Variants in LINGO2 observed in about 807,000 individuals in gnomAD.
LINGO2 encodes leucine rich repeat and Ig domain containing 2.
LINGO2 carries 14 observed loss-of-function variants against 30.6 expected under a neutral mutation model. The ratio of observed to expected loss-of-function variants is 0.46; its 90% CI spans 0.30 to 0.72. The LOEUF (loss-of-function observed/expected upper bound fraction) is 0.72. Ranked by LOEUF, LINGO2 falls within the 30% of genes least tolerant of loss-of-function variation. The probability of loss-of-function intolerance (pLI) is 0.07; values close to 1 mark genes in which losing one functional copy is unlikely to be tolerated. For synonymous variants in LINGO2, 317 were observed against 288.5 expected, an observed-to-expected ratio of 1.10 and a Z score of -1.00; for missense variants, 729 against 751.7, an observed-to-expected ratio of 0.97 and a Z score of 0.35.
At chr9:28,246,543 T>C (rs976993669) in intron 4 of LINGO2, among the ~76,000 whole-genome samples, 3 of 152,162 alleles carry the variant, frequency 2.0e-5, no homozygotes, top group African/African-American at 7.2e-5. Flanking sequence ...GAAAACTGGC[T>C]AGCCGTATGC....
intron 2 of LINGO2, among the ~76,000 whole-genome samples, chr9:28,392,228 C>T (rs1821869162): frequency 6.6e-6 from 1 of 152,068 alleles, no homozygotes; most frequent in Admixed American, 6.6e-5. Context: ...AAATAAACAC[C>T]TTGACTATTG....
At chr9:29,101,361 G>A in the LINGO2 span, among the ~76,000 whole-genome samples, 1 of 152,180 alleles carries the variant, frequency 6.6e-6, no homozygotes, top group Non-Finnish European at 1.5e-5. Flanking sequence ...TCTATGGAAA[G>A]AGATTCATAA....
chr9:28,149,718 T>A (rs4878745), intron 4 of LINGO2, among the ~76,000 whole-genome samples: 2 of 148,636 alleles, frequency 1.3e-5, no homozygotes, highest in Non-Finnish European at 3.0e-5. Flanking sequence ...TGCCCTGTCT[T>A]GGAAGTGAGG....
intron 1 of LINGO2, among the ~76,000 whole-genome samples, chr9:28,520,851 T>C (rs1477089115): frequency 1.3e-5 from 2 of 152,204 alleles, no homozygotes; most frequent in Admixed American, 1.3e-4. Context: ...CTCCTTTACA[T>C]ATGCCTTAGA....
At chr9:28,455,864 G>A (rs1824825402) in intron 2 of LINGO2, among the ~76,000 whole-genome samples, 1 of 152,012 alleles carries the variant, frequency 6.6e-6, no homozygotes, top group Non-Finnish European at 1.5e-5. Flanking sequence ...CCTACACCAT[G>A]GCATTTTTCT....
At chr9:28,461,260 C>A (rs1825069031) in intron 2 of LINGO2, among the ~76,000 whole-genome samples, 1 of 152,150 alleles carries the variant, frequency 6.6e-6, no homozygotes, top group South Asian at 2.1e-4. Context: ...TAAGACAATT[C>A]TTGATCTGCC....
chr9:29,082,809 G>A, the LINGO2 span, among the ~76,000 whole-genome samples: 13 of 152,180 alleles, frequency 8.5e-5, no homozygotes, highest in Admixed American at 1.3e-4. Flanking sequence ...AGACGTTTAT[G>A]CAGCCAACAG....
At chr9:28,550,280 A>G (rs1822205341) in intron 1 of LINGO2, among the ~76,000 whole-genome samples, 1 of 151,788 alleles carries the variant, frequency 6.6e-6, no homozygotes, top group African/African-American at 2.4e-5. Context: ...TTTATGTGCT[A>G]TGTTGCTTAA....
At chr9:28,387,116 C>T (rs1821613429) in intron 2 of LINGO2, among the ~76,000 whole-genome samples, 1 of 152,028 alleles carries the variant, frequency 6.6e-6, no homozygotes, top group South Asian at 2.1e-4. Context: ...AATCAGCACT[C>T]TGTAAAAATG....
the LINGO2 span, among the ~76,000 whole-genome samples, chr9:28,838,374 A>G: frequency 6.6e-6 from 1 of 152,324 alleles, no homozygotes; most frequent in South Asian, 2.1e-4. Context: ...GGTAATCATT[A>G]GTATTATTTT....
At chr9:29,192,028 G>A in the LINGO2 span, among the ~76,000 whole-genome samples, 1 of 151,970 alleles carries the variant, frequency 6.6e-6, no homozygotes, top group Non-Finnish European at 1.5e-5. Context: ...GGTTTGTTAT[G>A]TAGGGGATTA....
chr9:28,043,413 G>T (rs80262295), intron 4 of LINGO2, among the ~76,000 whole-genome samples: 1 of 152,162 alleles, frequency 6.6e-6, no homozygotes, highest in South Asian at 2.1e-4. Flanking sequence ...CATCTGACAA[G>T]TGTAGTATGT....
chr9:29,151,848 AAAAC>A, the LINGO2 span, among the ~76,000 whole-genome samples: 4 of 152,192 alleles, frequency 2.6e-5, no homozygotes, highest in African/African-American at 4.8e-5. Context: ...ATTGAGGCAG[AAAAC>A]AAACAAATAA....
intron 4 of LINGO2, among the ~76,000 whole-genome samples, chr9:28,236,740 G>A (rs573816996): frequency 6.6e-6 from 1 of 152,250 alleles, no homozygotes; most frequent in Admixed American, 6.5e-5. Flanking sequence ...GCCGGGAAGG[G>A]TAGTAGGGGG....
intron 5 of LINGO2, among the ~76,000 whole-genome samples, chr9:27,998,168 T>C (rs371028207): frequency 7.9e-5 from 12 of 152,036 alleles, no homozygotes; most frequent in African/African-American, 2.9e-4. Context: ...TATGTCTACA[T>C]TGACCAACAG....
intron 1 of LINGO2, among the ~76,000 whole-genome samples, chr9:28,570,828 T>C (rs2135591763): frequency 6.6e-6 from 1 of 152,146 alleles, no homozygotes; most frequent in East Asian, 1.9e-4. Context: ...TCTATTGTGC[T>C]ATTTCTCAGA....
chr9:28,873,172 C>G, the LINGO2 span, among the ~76,000 whole-genome samples: 2 of 151,876 alleles, frequency 1.3e-5, no homozygotes, highest in East Asian at 3.9e-4. Flanking sequence ...AGTTCAAAAT[C>G]AGCCTGGCCA....
the LINGO2 span, among the ~76,000 whole-genome samples, chr9:28,725,783 A>G: frequency 6.7e-6 from 1 of 148,648 alleles, no homozygotes; most frequent in Admixed American, 7.0e-5. Flanking sequence ...ATTAAAATAA[A>G]GGAAACTTAA....
At chr9:28,031,850 A>T (rs938819843) in intron 4 of LINGO2, among the ~76,000 whole-genome samples, 1 of 152,148 alleles carries the variant, frequency 6.6e-6, no homozygotes, top group African/African-American at 2.4e-5. Context: ...CTATTCTTAA[A>T]CTGTTGGGTA....
Sources: allele counts gnomAD v4.1 joint callset (sites outside exome capture counted in the v4.1 genomes callset), GRCh38; gene constraint gnomAD v4.1.1; transcripts MANE v1.5; gene names NCBI Gene and HGNC (gene_info 2026-07-23, HGNC 2026-07-21).